Variants in INPP4A observed in about 807,000 individuals in gnomAD.
INPP4A encodes inositol polyphosphate-4-phosphatase type I A.
A neutral mutation model predicts 119.8 loss-of-function variants in INPP4A; 33 were observed. The ratio of observed to expected loss-of-function variants is 0.28; its 90% CI spans 0.21 to 0.37. The LOEUF is 0.37. INPP4A is among the 10% of genes least tolerant of loss of function. The probability of loss-of-function intolerance (pLI) is 1.00; values close to 1 mark genes in which losing one functional copy is unlikely to be tolerated. For synonymous variants in INPP4A, 496 were observed against 500.7 expected (o/e 0.99, Z 0.12); for missense variants, 956 against 1,289.9 (o/e 0.74, Z 3.97).
chr2:98,504,393 A>G (rs1232982300), intron 1 of INPP4A, among the ~76,000 whole-genome samples: 1 of 151,098 alleles, frequency 6.6e-6, no homozygotes, highest in African/African-American at 2.4e-5. Flanking sequence ...GTTATACACC[A>G]CTTTGCCAGA....
intron 1 of INPP4A, among the ~76,000 whole-genome samples, chr2:98,506,451 C>CA (rs1406314851): frequency 6.6e-6 from 1 of 151,106 alleles, no homozygotes; most frequent in Non-Finnish European, 1.5e-5. Context: ...CCAGGCGAGT[C>CA]AAAACATGTG....
chr2:98,486,816 C>T (rs768362895), intron 1 of INPP4A, among the ~76,000 whole-genome samples: 27 of 152,240 alleles, frequency 1.8e-4, no homozygotes, highest in Non-Finnish European at 3.5e-4. Context: ...TGGGCCCTGA[C>T]CTGGAATGCT....
intron 1 of INPP4A, among the ~76,000 whole-genome samples, chr2:98,483,623 C>T (rs1476032127): frequency 1.3e-5 from 2 of 152,210 alleles, no homozygotes; most frequent in Non-Finnish European, 2.9e-5. Flanking sequence ...GTTCATCCTA[C>T]ACTGAATGTC....
At chr2:98,503,768 A>G (rs949719675) in intron 1 of INPP4A, among the ~76,000 whole-genome samples, 3 of 152,226 alleles carry the variant, frequency 2.0e-5, no homozygotes, top group African/African-American at 7.2e-5. Context: ...GGCTTGCGTG[A>G]CAGGATGACA....
chr2:98,512,988 T>A (rs3754883), intron 1 of INPP4A, among the ~76,000 whole-genome samples: 1 of 152,062 alleles, frequency 6.6e-6, no homozygotes, highest in African/African-American at 2.4e-5. Flanking sequence ...TATTTGACTT[T>A]GTTTAAAAGG....
rs1696548861 is a variant in INPP4A, at chr2:98,566,836, A to T, written c.2420+667A>T. 2.6e-5 allele frequency among the ~76,000 whole-genome samples: 4 copies of T among 152,214 alleles called. No individual in the cohort carries two copies. The highest frequency in any genetic ancestry group is 2.6e-4 in the Admixed American group (4 of 15,290). On this transcript the variant is annotated intron_variant, in intron 21 of 24. Coordinates refer to ENST00000409851, the MANE Select transcript of INPP4A (RefSeq NM_001134225.2). The surrounding 1 kb of genome is among the most constrained non-coding windows in gnomAD (Gnocchi z 4.2). ...ATGTACCCTTTACTGGCCTTCCACT[A>T]GTACATGAGAATGATTCCTGTGTTG...
At chr2:98,560,733 C>T (rs891551921) in intron 17 of INPP4A, among the ~76,000 whole-genome samples, 1 of 152,244 alleles carries the variant, frequency 6.6e-6, no homozygotes, top group African/African-American at 2.4e-5. Context: ...TGGCTGTCGC[C>T]TGAGCCTCAG....
At chr2:98,514,626 C>G (rs897633271) in intron 1 of INPP4A, among the ~76,000 whole-genome samples, 5 of 151,912 alleles carry the variant, frequency 3.3e-5, no homozygotes, top group African/African-American at 1.2e-4. Context: ...ATTAAAGACC[C>G]AAAAGGAGGC....
chr2:98,462,951 C>T (rs549739053), intron 1 of INPP4A, among the ~76,000 whole-genome samples: 2 of 152,300 alleles, frequency 1.3e-5, no homozygotes, highest in East Asian at 3.9e-4. Context: ...AAGCCATTCT[C>T]CTGCCTCAGC....
chr2:98,486,418 C>T (rs1170584728), intron 1 of INPP4A, among the ~76,000 whole-genome samples: 2 of 152,192 alleles, frequency 1.3e-5, no homozygotes, highest in Admixed American at 6.5e-5. Flanking sequence ...CCTTTCCTTG[C>T]TCTTGGTTAT....
intron 21 of INPP4A, among the ~76,000 whole-genome samples, chr2:98,567,359 C>A (rs142426115): frequency 6.6e-6 from 1 of 152,186 alleles, no homozygotes; most frequent in African/African-American, 2.4e-5. Flanking sequence ...AGCTCATAAA[C>A]TGGCAGGAGA....
chr2:98,525,997 T>C (rs758856259), intron 4 of INPP4A, among the ~76,000 whole-genome samples: 5 of 152,158 alleles, frequency 3.3e-5, no homozygotes, highest in Non-Finnish European at 5.9e-5. Flanking sequence ...CAAAAAGACA[T>C]GAACAACAAC....
Position 98,474,396 on chromosome 2 carries a change from A to G in INPP4A, c.-166+29311A>G, listed in dbSNP as rs150899593. 5.3e-3 allele frequency among the ~76,000 whole-genome samples: 809 copies of G among 152,260 alleles called. 8 individuals are homozygous for G. Among genetic ancestry groups the G allele is most frequent in the African/African-American group, 0.019 (777 of 41,540 alleles). On this transcript the variant is annotated intron_variant, in intron 1 of 24. Coordinates refer to ENST00000409851, the MANE Select transcript of INPP4A (RefSeq NM_001134225.2). ...GGGTTGGGAGCTTGCTTTTTGCTCT[A>G]TTGTGTTGTCTTCTCTATAATGTGG...
At chr2:98,586,461 C>T (rs1412598231) in intron 24 of INPP4A, among the ~76,000 whole-genome samples, 1 of 152,008 alleles carries the variant, frequency 6.6e-6, no homozygotes, top group Non-Finnish European at 1.5e-5. Flanking sequence ...AATTTGATAA[C>T]TAGTTGATTT....
chr2:98,452,792 C>T (rs1053292434), intron 1 of INPP4A, among the ~76,000 whole-genome samples: 5 of 152,178 alleles, frequency 3.3e-5, no homozygotes, highest in African/African-American at 1.2e-4. Flanking sequence ...GCTCCAGGTC[C>T]CTCTCTGGCC....
rs761576372 is a variant in INPP4A at position 98,577,167 on chromosome 2, C to T, written c.2786+24C>T. 5.6e-5 allele frequency: 87 copies of T among 1,564,960 alleles called. 1 individual carries two copies. In the South Asian group the frequency reaches 8.5e-4, roughly 15 times the overall value. On this transcript the variant is annotated intron_variant, in intron 24 of 24. Transcript: ENST00000409851. ...AGGTGAGTGCCGCAGCCAGGCCGCG[C>T]GCCCCGCCTGCCCCGGCCCGTGTAA...
intron 1 of INPP4A, among the ~76,000 whole-genome samples, chr2:98,473,798 T>A (rs1467129238): frequency 6.6e-6 from 1 of 152,192 alleles, no homozygotes; most frequent in Non-Finnish European, 1.5e-5. Flanking sequence ...CATGAAAACA[T>A]GTTGGAAAGG....
intron 16 of INPP4A, among the ~76,000 whole-genome samples, chr2:98,556,391 G>A (rs3820942): frequency 0.11 from 17,254 of 152,284 alleles, 1,223 homozygotes; most frequent in Middle Eastern, 0.17. Context: ...GGTTTGGCAG[G>A]ACCCTTCAGG....
intron 4 of INPP4A, among the ~76,000 whole-genome samples, chr2:98,526,395 A>G (rs1688189874): frequency 6.6e-6 from 1 of 152,244 alleles, no homozygotes; most frequent in Admixed American, 6.5e-5. Flanking sequence ...GTTCATGAAG[A>G]TACATGAGAA....
Sources: gnomAD v4.1 joint callset for allele counts (sites outside exome capture counted in the v4.1 genomes callset) on GRCh38, gnomAD v4.1.1 for gene constraint, Gnocchi (gnomAD v3.1) non-coding constraint, MANE v1.5 for transcripts, NCBI Gene and HGNC (gene_info 2026-07-23, HGNC 2026-07-21) for gene names.